Variants in SYCP2L observed in about 807,000 individuals in gnomAD.
SYCP2L encodes synaptonemal complex protein 2 like.
Under a neutral mutation model 125.8 loss-of-function variants are expected in SYCP2L, and 98 were observed. The ratio of observed to expected loss-of-function variants is 0.78; its 90% confidence interval spans 0.66 to 0.92. The LOEUF (loss-of-function observed/expected upper bound fraction) is 0.92, where lower values mean the gene tolerates loss of function less well. Among genes scored for constraint, SYCP2L ranks in the 40% least tolerant of loss-of-function variants. SYCP2L has a pLI of 0.00. For missense variants in SYCP2L, 842 were observed against 936.4 expected (o/e 0.90, Z 1.32); for synonymous variants, 317 against 325.4 (o/e 0.97, Z 0.28).
chr6:10,923,604 T>G (rs935153112), intron 14 of SYCP2L, among the ~76,000 whole-genome samples: 2 of 151,770 alleles, frequency 1.3e-5, no homozygotes, highest in African/African-American at 4.8e-5. Context: ...CAGGCTGGTT[T>G]CAAACTCCTG....
chr6:10,946,656 T>C (rs1350012865), intron 23 of SYCP2L, among the ~76,000 whole-genome samples: 1 of 152,144 alleles, frequency 6.6e-6, no homozygotes, highest in Non-Finnish European at 1.5e-5. Context: ...ATTCAATTGC[T>C]TTTTGTTTTC....
chr6:10,925,223 C>T (rs1780875943), intron 15 of SYCP2L, among the ~76,000 whole-genome samples: 1 of 152,166 alleles, frequency 6.6e-6, no homozygotes, highest in Admixed American at 6.5e-5. Flanking sequence ...ACTGTCAGAA[C>T]AGCATGGGAA....
chr6:10,910,857 T>A lies in SYCP2L; in HGVS notation c.906T>A (p.Ala302=). Residue 302 remains alanine, a synonymous_variant, in exon 12 of 30, where the codon GCT becomes GCA. Coordinates refer to ENST00000283141, the MANE Select transcript of SYCP2L (RefSeq NM_001040274.3). Reference sequence around the variant, plus strand: ...CATTTCCGTGTATTGCTGCTTTTGCTGATGAGCATGAGGTATGTTCATCCC... The same window carrying A: ...CATTTCCGTGTATTGCTGCTTTTGCAGATGAGCATGAGGTATGTTCATCCC... ...VYSFPCIAAF[A]DEHEMRKPAD... 2.5e-6 allele frequency: 4 copies of A among 1,614,146 alleles called. No homozygotes were observed. The highest frequency in any genetic ancestry group is 3.4e-6 in the Non-Finnish European group (4 of 1,179,994).
Position 10,947,376 on chromosome 6 carries a change from G to A in SYCP2L, c.1954+4630G>A, listed in dbSNP as rs527647086. ...TTAAATATATAAGTTAACTTGAAGAGAAGTGACATCTTTAAAATATTAAAC... is the reference window on the plus strand; with the variant it reads ...TTAAATATATAAGTTAACTTGAAGAAAAGTGACATCTTTAAAATATTAAAC... On this transcript the variant is annotated intron_variant, in intron 23 of 29. Transcript: ENST00000283141. 5.9e-5 allele frequency among the ~76,000 whole-genome samples: 9 copies of A among 152,166 alleles called. No individual in the cohort carries two copies. In the South Asian group the frequency reaches 1.7e-3, roughly 28 times the overall value.
intron 29 of SYCP2L, among the ~76,000 whole-genome samples, chr6:10,964,744 C>T (rs1190760348): frequency 3.3e-5 from 5 of 152,088 alleles, no homozygotes; most frequent in African/African-American, 1.2e-4. Context: ...AAAACAATGA[C>T]AACAAGTGCT....
chr6:10,959,233 T>A (rs1471521714), intron 26 of SYCP2L, among the ~76,000 whole-genome samples: 1 of 152,242 alleles, frequency 6.6e-6, no homozygotes, highest in Non-Finnish European at 1.5e-5. Context: ...AAGAATTAAA[T>A]TCTGACACAT....
At chr6:10,972,864 C>T (rs1781798782) in intron 29 of SYCP2L, among the ~76,000 whole-genome samples, 1 of 152,052 alleles carries the variant, frequency 6.6e-6, no homozygotes, top group Non-Finnish European at 1.5e-5. Context: ...AACAGTTTTC[C>T]TGGAAGCCCA....
chr6:10,936,667 A>G (rs1781101549), intron 21 of SYCP2L, among the ~76,000 whole-genome samples: 2 of 152,206 alleles, frequency 1.3e-5, no homozygotes, highest in Non-Finnish European at 2.9e-5. Context: ...TGGATAGAAA[A>G]AAGTGAGATT....
In SYCP2L at chr6:10,898,034, A is replaced by G; in HGVS notation, c.360A>G (p.Thr120=). 6.2e-7 allele frequency: 1 copy of G among 1,614,096 alleles called. No homozygotes were observed. Among genetic ancestry groups the G allele is most frequent in the Non-Finnish European group, 8.5e-7 (1 of 1,179,920 alleles). Residue 120 remains threonine, a synonymous_variant, in exon 5 of 30, where the codon ACA becomes ACG. Coordinates refer to ENST00000283141, the MANE Select transcript of SYCP2L (RefSeq NM_001040274.3). The stretch of plus-strand genomic sequence containing the variant: ...ACCTAGTTTCCTGGTTTGAAAGAAC[A>G]ACAGGAATTCTGACCTCGGAAGGCC... The part of the protein sequence containing the change: ...IPKLVSWFER[T]TGILTSEGLA...
intron 15 of SYCP2L, among the ~76,000 whole-genome samples, chr6:10,925,001 A>G (rs1479641708): frequency 6.6e-6 from 1 of 152,126 alleles, no homozygotes; most frequent in Non-Finnish European, 1.5e-5. Context: ...GGGGGAGTGT[A>G]TTAGTCTGTT....
intron 23 of SYCP2L, among the ~76,000 whole-genome samples, chr6:10,945,472 AAAT>A (rs1781296094): frequency 6.6e-6 from 1 of 151,922 alleles, no homozygotes. Context: ...TCTTTTTTCT[AAAT>A]AATAAGTCTT....
In SYCP2L at chr6:10,907,637, G is replaced by A. The variant is rs748236337; in HGVS notation, c.772G>A (p.Val258Ile). 1.9e-6 allele frequency: 3 copies of A among 1,613,984 alleles called. No homozygotes were observed. Among genetic ancestry groups the A allele is most frequent in the East Asian group, 2.2e-5 (1 of 44,854 alleles). ...ELVHKWFDDE[V>I]IAEAFKEIKD... ...TGTCCATAAATGGTTTGATGATGAA[G>A]TCATTGCTGAAGCTTTCAAAGAAAT... is the stretch of plus-strand genomic sequence containing the variant. Residue 258 changes from valine (V) to isoleucine (I), a missense_variant, in exon 10 of 30, where the codon GTC becomes ATC. Physicochemically the swap from Val to Ile is conservative, Grantham distance 29 (BLOSUM62 3). Transcript: ENST00000283141.
At chr6:10,969,773 T>C (rs1781741365) in intron 29 of SYCP2L, among the ~76,000 whole-genome samples, 1 of 152,154 alleles carries the variant, frequency 6.6e-6, no homozygotes, top group Admixed American at 6.5e-5. Flanking sequence ...GATGCCCAGC[T>C]AAATACAGTC....
At chr6:10,963,916 C>T in intron 29 of SYCP2L, 73 bp downstream of exon 29, 2 of 1,121,588 alleles carry the variant, frequency 1.8e-6, no homozygotes, top group Non-Finnish European at 1.3e-6. Context: ...CTAAAAGATA[C>T]TGTAATGCTT....
intron 29 of SYCP2L, among the ~76,000 whole-genome samples, chr6:10,971,483 A>G (rs1333276488): frequency 6.6e-6 from 1 of 151,448 alleles, no homozygotes; most frequent in Non-Finnish European, 1.5e-5. Flanking sequence ...AAAGAAAGAA[A>G]GAAAGATAGG....
At chr6:10,913,599 T>C (rs1343458168) in intron 14 of SYCP2L, among the ~76,000 whole-genome samples, 1 of 152,174 alleles carries the variant, frequency 6.6e-6, no homozygotes, top group Non-Finnish European at 1.5e-5. Flanking sequence ...TTTGAGTTCG[T>C]TGTAAATTCT....
intron 10 of SYCP2L, among the ~76,000 whole-genome samples, chr6:10,909,262 G>A (rs997198554): frequency 6.6e-6 from 1 of 151,524 alleles, no homozygotes; most frequent in Admixed American, 6.6e-5. Context: ...CCGAGTAGCT[G>A]GGATTACAGG....
rs34095541 is a variant in SYCP2L at position 10,914,738 on chromosome 6, G to GTT, written c.1072+1831_1072+1832dup. Among the ~76,000 whole-genome samples, 385 of 107,748 alleles carry GTT rather than the reference G, an allele frequency of 3.6e-3. 7 individuals carry two copies. The highest frequency in any genetic ancestry group is 0.015 in the East Asian group (60 of 4,076). The allele number at this position is 107,748 out of a possible 152,430, so 70.7% of individuals were successfully genotyped here. A position where few individuals can be genotyped will look rare whatever the true frequency, so the allele number is the denominator to read the frequency against. ...CCTCCTTGGTTAGGTATATCCCTAA[G>GTT]TTTTTTTTTTTTTTTTTTTTTGGAG... On this transcript the variant is annotated intron_variant, in intron 14 of 29. Coordinates refer to ENST00000283141, the MANE Select transcript of SYCP2L (RefSeq NM_001040274.3).
intron 28 of SYCP2L, among the ~76,000 whole-genome samples, chr6:10,962,350 T>C (rs1043472481): frequency 8.1e-5 from 12 of 147,432 alleles, no homozygotes; most frequent in African/African-American, 3.2e-4. Context: ...CATCCTGCCT[T>C]TTACTCCAAT....
Sources: allele counts gnomAD v4.1 joint callset (sites outside exome capture counted in the v4.1 genomes callset), GRCh38; gene constraint gnomAD v4.1.1; transcripts MANE v1.5; gene names NCBI Gene and HGNC (gene_info 2026-07-23, HGNC 2026-07-21).